SEMA3A: variants seen among roughly 807,000 people sequenced by gnomAD.
SEMA3A encodes semaphorin-3A.
In SEMA3A, 29 loss-of-function variants were observed where a neutral mutation model predicts 97.9. That is an observed-to-expected ratio of 0.30 (90% CI 0.22 to 0.40). The LOEUF is 0.40. Ranked by LOEUF, SEMA3A falls within the 10% of genes least tolerant of loss-of-function variation. The pLI, the probability that SEMA3A is intolerant of heterozygous loss-of-function variation, is 1.00. For missense variants in SEMA3A, 763 were observed against 951.3 expected (o/e 0.80, Z 2.60); for synonymous variants, 321 against 323.7 (o/e 0.99, Z 0.09).
chr7:84,196,090 C>G (rs1336326567), upstream of SEMA3A, among the ~76,000 whole-genome samples: 1 of 152,050 alleles, frequency 6.6e-6, no homozygotes, highest in African/African-American at 2.4e-5. Flanking sequence ...CCTTTATTCC[C>G]CAAATGATTC....
At chr7:84,215,273 C>G (rs969409312) in intron 3 of SEMA3A, among the ~76,000 whole-genome samples, 3 of 151,744 alleles carry the variant, frequency 2.0e-5, no homozygotes, top group African/African-American at 4.8e-5. Flanking sequence ...GCAACCTCCC[C>G]CTCCTGGGTT....
At chr7:84,407,337 G>C (rs1313559169) in intron 1 of SEMA3A, among the ~76,000 whole-genome samples, 1 of 151,986 alleles carries the variant, frequency 6.6e-6, no homozygotes, top group Non-Finnish European at 1.5e-5. Context: ...AACTTACAAG[G>C]GATATGAAGG....
At chr7:84,129,421 G>GA (rs1795896394) in intron 2 of SEMA3A, among the ~76,000 whole-genome samples, 1 of 152,190 alleles carries the variant, frequency 6.6e-6, no homozygotes, top group South Asian at 2.1e-4. Context: ...GAGCAAGAGA[G>GA]AAACTGGTGT....
intron 1 of SEMA3A, among the ~76,000 whole-genome samples, chr7:84,145,462 A>C (rs1245732435): frequency 6.6e-6 from 1 of 152,198 alleles, no homozygotes; most frequent in Non-Finnish European, 1.5e-5. Flanking sequence ...AAAAATATCT[A>C]AGAAAAAGCA....
intron 11 of SEMA3A, among the ~76,000 whole-genome samples, chr7:84,003,286 A>G (rs1790534223): frequency 6.6e-6 from 1 of 152,100 alleles, no homozygotes; most frequent in Non-Finnish European, 1.5e-5. Context: ...GATTAAAGGT[A>G]AATTAGGTTA....
At chr7:84,439,043 A>G (rs775154892) in intron 1 of SEMA3A, among the ~76,000 whole-genome samples, 4 of 151,856 alleles carry the variant, frequency 2.6e-5, no homozygotes, top group African/African-American at 7.3e-5. Context: ...ATACAGCAGT[A>G]GCAAAATTAA....
intron 1 of SEMA3A, among the ~76,000 whole-genome samples, chr7:84,464,197 T>C (rs559338521): frequency 6.6e-6 from 1 of 152,314 alleles, no homozygotes; most frequent in South Asian, 2.1e-4. Flanking sequence ...ACAACAATCC[T>C]GACAATAAAG....
chr7:84,231,008 C>T (rs1247186595), intron 3 of SEMA3A, among the ~76,000 whole-genome samples: 1 of 151,838 alleles, frequency 6.6e-6, no homozygotes, highest in Non-Finnish European at 1.5e-5. Flanking sequence ...ATCATTTGGG[C>T]TGTAACGCTA....
intron 3 of SEMA3A, among the ~76,000 whole-genome samples, chr7:84,204,237 T>G (rs1167415222): frequency 6.6e-6 from 1 of 152,124 alleles, no homozygotes; most frequent in East Asian, 1.9e-4. Flanking sequence ...ATTGTGAAAA[T>G]TCATGTATTA....
Position 83,958,146 on chromosome 7 carries a change from A to G in SEMA3A, c.*3225T>C, listed in dbSNP as rs1393542048. The stretch of plus-strand genomic sequence containing the variant: ...ATTTCCTTTTTAGGTATGACATTAA[A>G]AAGAACAATACTTAATTTAAAGGGC... On this transcript the variant is annotated 3_prime_UTR_variant, in exon 17 of 17. Transcript: ENST00000265362. 1 of 152,142 alleles carries G rather than the reference A, an allele frequency of 6.6e-6. No individual in the cohort carries two copies. The highest frequency in any genetic ancestry group is 1.5e-5 in the Non-Finnish European group (1 of 67,952). The allele number at this position is 152,142 out of a possible 1,614,324, so 9.4% of individuals were successfully genotyped here.
chr7:84,022,012 C>A (rs1237289443), intron 6 of SEMA3A, among the ~76,000 whole-genome samples: 8 of 152,072 alleles, frequency 5.3e-5, no homozygotes, highest in Admixed American at 4.6e-4. Context: ...GTAGAAGAAG[C>A]TGTTCTTTTC....
At chr7:84,460,445 C>A (rs997696930) in intron 1 of SEMA3A, among the ~76,000 whole-genome samples, 1 of 151,818 alleles carries the variant, frequency 6.6e-6, no homozygotes, top group African/African-American at 2.4e-5. Context: ...TATTAATAAT[C>A]ATTTTAGATG....
chr7:83,991,144 G>A (rs1047292481), intron 12 of SEMA3A, among the ~76,000 whole-genome samples: 70 of 150,626 alleles, frequency 4.6e-4, no homozygotes, highest in Middle Eastern at 3.4e-3. Context: ...GTATAAGAAC[G>A]CTTGTGATTT....
At chr7:84,295,549 C>T (rs900995933) in intron 3 of SEMA3A, among the ~76,000 whole-genome samples, 6 of 151,956 alleles carry the variant, frequency 3.9e-5, no homozygotes, top group African/African-American at 1.4e-4. Flanking sequence ...TGATTTGGGA[C>T]AAATCAGCCT....
At chr7:84,121,271 T>G (rs1795605520) in intron 3 of SEMA3A, among the ~76,000 whole-genome samples, 1 of 152,158 alleles carries the variant, frequency 6.6e-6, no homozygotes, top group Non-Finnish European at 1.5e-5. Flanking sequence ...GCAGGTTTGT[T>G]ACATATGTAT....
chr7:84,196,493 T>C (rs926868745), upstream of SEMA3A, among the ~76,000 whole-genome samples: 2 of 152,150 alleles, frequency 1.3e-5, no homozygotes, highest in African/African-American at 4.8e-5. Context: ...AGGAATTCTC[T>C]CTCTACTTCA....
At chr7:84,426,524 T>C (rs537524172) in intron 1 of SEMA3A, among the ~76,000 whole-genome samples, 8 of 152,236 alleles carry the variant, frequency 5.3e-5, no homozygotes, top group Middle Eastern at 6.9e-3. Context: ...ATTCCCTGAA[T>C]CTGTTCTTCT....
At chr7:84,039,181 C>T (rs1792044546) in intron 6 of SEMA3A, among the ~76,000 whole-genome samples, 1 of 152,008 alleles carries the variant, frequency 6.6e-6, no homozygotes, top group Non-Finnish European at 1.5e-5. Flanking sequence ...TTCTAATTAC[C>T]CTATATACAC....
chr7:84,480,898 TA>T (rs1806427048), intron 1 of SEMA3A, among the ~76,000 whole-genome samples: 1 of 151,894 alleles, frequency 6.6e-6, no homozygotes, highest in African/African-American at 2.4e-5. Context: ...AAAAATAAAA[TA>T]AAATAAATAA....
Sources: gnomAD v4.1 joint callset for allele counts (sites outside exome capture counted in the v4.1 genomes callset) on GRCh38, gnomAD v4.1.1 for gene constraint, MANE v1.5 for transcripts, NCBI Gene and HGNC (gene_info 2026-07-23, HGNC 2026-07-21) for gene names.